SIN3A: variants seen among roughly 807,000 people sequenced by gnomAD.
The protein encoded by SIN3A is SIN3 transcription regulator family member A, also known as paired amphipathic helix protein Sin3a.
A neutral mutation model predicts 146.1 loss-of-function variants in SIN3A; 14 were observed. The ratio of observed to expected loss-of-function variants is 0.10; its 90% CI spans 0.06 to 0.15. The LOEUF (loss-of-function observed/expected upper bound fraction) is 0.15. Among genes scored for constraint, SIN3A ranks in the 10% least tolerant of loss-of-function variants. The pLI is 1.00. For missense variants in SIN3A, 1,028 were observed against 1,576.0 expected (o/e 0.65, Z 5.89); for synonymous variants, 572 against 572.0 (o/e 1.00, Z 0.00).
intron 17 of SIN3A, among the ~76,000 whole-genome samples, chr15:75,382,908 C>G (rs2073001439): frequency 6.6e-6 from 1 of 152,128 alleles, no homozygotes; most frequent in Non-Finnish European, 1.5e-5. Context: ...CATGGTGAAA[C>G]CCTGTCTCTA....
At chr15:75,399,962 A>T (rs4886699) in intron 12 of SIN3A, 78 bp downstream of exon 12, 2 of 797,906 alleles carry the variant, frequency 2.5e-6, no homozygotes, top group African/African-American at 3.4e-5. Flanking sequence ...CATCTTAATA[A>T]CCCTCAGAGA....
In SIN3A at chr15:75,422,714, T is replaced by C. The variant is rs2073859713; in HGVS notation, c.299A>G (p.Gln100Arg). 6.2e-7 allele frequency: 1 copy of C among 1,614,112 alleles called. No homozygotes were observed. The highest frequency in any genetic ancestry group is 1.3e-5 in the African/African-American group (1 of 74,942). The stretch of plus-strand genomic sequence containing the variant: ...TGGTGGGGCTGGATGAGCATGACTC[T>C]GGACCACCTGGCCTCCGTGGGGCTG... The part of the protein sequence containing the change: ...AVQPHGGQVV[Q>R]SHAHPAPPVA... The change falls in exon 3 of 21, where the codon CAG (glutamine) becomes CGG (arginine). Residue 100 changes from glutamine to arginine, a missense_variant. Physicochemically the swap from Gln to Arg is conservative, Grantham distance 43. Transcript: ENST00000394947.
upstream of SIN3A, among the ~76,000 whole-genome samples, chr15:75,454,607 G>T (rs1431794141): frequency 6.6e-6 from 1 of 151,738 alleles, no homozygotes; most frequent in African/African-American, 2.4e-5. Flanking sequence ...CCGATTCCGA[G>T]CGTGGAGACT....
intron 5 of SIN3A, among the ~76,000 whole-genome samples, chr15:75,412,449 G>A (rs908998412): frequency 5.3e-5 from 8 of 152,270 alleles, no homozygotes; most frequent in Non-Finnish European, 8.8e-5. Context: ...AGGATAAGAC[G>A]ATGGTTTCTA....
chr15:75,420,910 C>G (rs912380476), intron 3 of SIN3A: 1 of 152,164 alleles, frequency 6.6e-6, no homozygotes, highest in African/African-American at 2.4e-5. Flanking sequence ...ACAAGAAATC[C>G]TAACTCTATC....
At chr15:75,450,180 TAA>T (rs374894508) in intron 1 of SIN3A, among the ~76,000 whole-genome samples, 3 of 143,400 alleles carry the variant, frequency 2.1e-5, no homozygotes, top group African/African-American at 7.7e-5. Context: ...TCTGAGTTCT[TAA>T]AAAAAAAAAA....
At chr15:75,440,662 G>A (rs1431614209) in intron 1 of SIN3A, among the ~76,000 whole-genome samples, 1 of 152,068 alleles carries the variant, frequency 6.6e-6, no homozygotes, top group Non-Finnish European at 1.5e-5. Context: ...TTGGAACACA[G>A]CCATTCTATA....
chr15:75,375,596 ACT>A, intron 20 of SIN3A, 67 bp downstream of exon 20: 1 of 1,223,772 alleles, frequency 8.2e-7, no homozygotes, highest in African/African-American at 1.5e-5. Context: ...CAATCAGAAG[ACT>A]CTGGGCCTCC....
intron 7 of SIN3A, 66 bp downstream of exon 7, chr15:75,410,068 G>A (rs1036465676): frequency 6.2e-7 from 1 of 1,603,316 alleles, no homozygotes; most frequent in East Asian, 2.2e-5. Flanking sequence ...CCCCTTCTGA[G>A]CACAGTTTTC....
chr15:75,383,750 T>A (rs1307903169), intron 17 of SIN3A, among the ~76,000 whole-genome samples: 1 of 152,086 alleles, frequency 6.6e-6, no homozygotes, highest in African/African-American at 2.4e-5. Context: ...TTCTCCTGAG[T>A]AGCTGAGACT....
intron 16 of SIN3A, among the ~76,000 whole-genome samples, chr15:75,387,273 G>A (rs530252839): frequency 2.7e-4 from 41 of 152,146 alleles, no homozygotes; most frequent in South Asian, 6.2e-4. Flanking sequence ...GCCCGTAATC[G>A]CAGCGCTTTG....
At chr15:75,453,994 A>T (rs2074449692), upstream of SIN3A, 1 of 152,192 alleles carries the variant, frequency 6.6e-6, no homozygotes, top group Non-Finnish European at 1.5e-5. Flanking sequence ...CGGGCCTCAC[A>T]CATGTGCGGA....
At chr15:75,454,683 G>A (rs1453963643), upstream of SIN3A, among the ~76,000 whole-genome samples, 1 of 148,928 alleles carries the variant, frequency 6.7e-6, no homozygotes, top group Non-Finnish European at 1.5e-5. Flanking sequence ...GCACACGCCC[G>A]CGCCCCCGCC....
chr15:75,455,814 AT>A (rs2074479995), upstream of SIN3A: 1 of 152,214 alleles, frequency 6.6e-6, no homozygotes. Flanking sequence ...GGAGTCCTGA[AT>A]GGGGGGGAAC....
intron 9 of SIN3A, 140 bp from the exon 10 acceptor site, chr15:75,402,110 G>A (rs2073422937): frequency 3.2e-6 from 2 of 627,848 alleles, no homozygotes; most frequent in Middle Eastern, 5.8e-4. Flanking sequence ...AGCCTCCCAA[G>A]TAGCTGGGAC....
In SIN3A at chr15:75,422,716, G is replaced by A; in HGVS notation, c.297C>T (p.Val99=). 3 of 1,614,180 alleles carry A rather than the reference G, an allele frequency of 1.9e-6. No homozygotes were observed. The highest frequency in any genetic ancestry group is 2.5e-6 in the Non-Finnish European group (3 of 1,180,042). The part of the protein sequence containing the change: ...TAVQPHGGQV[V]QSHAHPAPPV... Reference sequence around the variant, plus strand: ...GTGGGGCTGGATGAGCATGACTCTGGACCACCTGGCCTCCGTGGGGCTGCA... The same window carrying A: ...GTGGGGCTGGATGAGCATGACTCTGAACCACCTGGCCTCCGTGGGGCTGCA... Residue 99 remains valine (V), a synonymous_variant, in exon 3 of 21, where the codon GTC becomes GTT. Transcript: ENST00000394947.
rs554105820 is a variant in SIN3A at position 75,400,999 on chromosome 15, G to A, written c.1527-59C>T. 1.8e-5 allele frequency: 21 copies of A among 1,178,300 alleles called. No individual in the cohort carries two copies. In the Admixed American group the frequency reaches 3.7e-4, roughly 21 times the overall value. The allele number at this position is 1,178,300 out of a possible 1,614,324, so 73.0% of individuals were successfully genotyped here. A position where few individuals can be genotyped will look rare whatever the true frequency, so the allele number is the denominator to read the frequency against. ...AGGGGCAGGATGCAGTTATCCTGAG[G>A]TATGACTACTACCATCTGGTTTTGG... On this transcript the variant is annotated intron_variant, in intron 10 of 20. Coordinates refer to ENST00000394947, the MANE Select transcript of SIN3A (RefSeq NM_001145358.2).
intron 1 of SIN3A, chr15:75,447,718 T>C (rs117650899): frequency 2.0e-4 from 30 of 152,088 alleles, no homozygotes; most frequent in African/African-American, 6.8e-4. Flanking sequence ...TATCCTCCAA[T>C]AGCCCATATG....
chr15:75,450,055 C>G (rs1289970127), intron 1 of SIN3A, among the ~76,000 whole-genome samples: 1 of 152,138 alleles, frequency 6.6e-6, no homozygotes, highest in Non-Finnish European at 1.5e-5. Flanking sequence ...GCTAGGATTA[C>G]AGGCATGAGC....
Sources: allele counts gnomAD v4.1 joint callset (sites outside exome capture counted in the v4.1 genomes callset), GRCh38; gene constraint gnomAD v4.1.1; transcripts MANE v1.5; gene names NCBI Gene and HGNC (gene_info 2026-07-23, HGNC 2026-07-21).